Variants in INTS6 observed in about 807,000 individuals in gnomAD.
INTS6 encodes integrator complex subunit 6, also known as DEAD box protein.
Under a neutral mutation model 104.9 loss-of-function variants are expected in INTS6, and 16 were observed. The ratio of observed to expected loss-of-function variants is 0.15; its 90% confidence interval spans 0.10 to 0.23. The LOEUF (loss-of-function observed/expected upper bound fraction) is 0.23, where lower values mean the gene tolerates loss of function less well. INTS6 is among the 10% of genes least tolerant of loss of function. The pLI is 1.00. For missense variants in INTS6, 584 were observed against 1,062.8 expected, an observed-to-expected ratio of 0.55 and a Z score of 6.26; for synonymous variants, 324 against 358.7, an observed-to-expected ratio of 0.90 and a Z score of 1.09.
At chr13:51,404,357 A>G (rs1205264074) in intron 4 of INTS6, among the ~76,000 whole-genome samples, 1 of 151,758 alleles carries the variant, frequency 6.6e-6, no homozygotes, top group African/African-American at 2.4e-5. Context: ...CAAAGTTTCC[A>G]TGCTAATGTA....
Position 51,452,586 on chromosome 13 carries a change from A to C in INTS6, c.-61T>G. ...GAGAAAGAGGAGATGGTAGAGGTGG[A>C]GGCGCCGGTGGCGGCGACCGCCGCT... On this transcript the variant is annotated 5_prime_UTR_variant, in exon 1 of 18. Transcript: ENST00000311234. The surrounding 1 kb of genome is among the most constrained non-coding windows in gnomAD (Gnocchi z 4.2). The C allele has an allele frequency of 6.4e-7, 1 of 1,574,636 alleles. No individual in the cohort carries two copies.
chr13:51,352,532 AATAGAG>A (rs1436817232), downstream of INTS6, among the ~76,000 whole-genome samples: 1 of 151,808 alleles, frequency 6.6e-6, no homozygotes, highest in Non-Finnish European at 1.5e-5. Flanking sequence ...GTCATCTGTG[AATAGAG>A]ATAGATTTAC....
intron 3 of INTS6, chr13:51,437,357 T>G (rs1216291676): frequency 2.0e-5 from 3 of 152,036 alleles, no homozygotes; most frequent in Non-Finnish European, 4.4e-5. Flanking sequence ...AACTCAATTT[T>G]AAATACTATC....
In INTS6 at chr13:51,369,313, A is replaced by G. The variant is rs370372408; in HGVS notation, c.2105-3T>C. On this transcript the variant is annotated splice_polypyrimidine_tract_variant and splice_region_variant and intron_variant, in intron 15 of 17. Transcript: ENST00000311234. Reference sequence around the variant, plus strand: ...CGAATCATTAGTGGTTTCTGAAACTAAAAACAAAGATACGGGGAAAAAATT... The same window carrying G: ...CGAATCATTAGTGGTTTCTGAAACTGAAAACAAAGATACGGGGAAAAAATT... 6.3e-7 allele frequency: 1 copy of G among 1,593,786 alleles called. No individual in the cohort carries two copies. The highest frequency in any genetic ancestry group is 1.3e-5 in the African/African-American group (1 of 74,274).
At chr13:51,450,171 A>G in intron 3 of INTS6, 1 of 985,010 alleles carries the variant, frequency 1.0e-6, no homozygotes, top group Non-Finnish European at 1.2e-6. Context: ...TTTTCACTAC[A>G]ACATAAGAAC....
chr13:51,420,756 T>TA (rs75997381), intron 4 of INTS6, among the ~76,000 whole-genome samples: 3,419 of 125,854 alleles, frequency 0.027, 52 homozygotes, highest in East Asian at 0.084. Context: ...CTAGCTAAAT[T>TA]AAAAAAAAAA....
intron 3 of INTS6, among the ~76,000 whole-genome samples, chr13:51,432,086 T>G (rs1188038049): frequency 6.6e-6 from 1 of 152,166 alleles, no homozygotes; most frequent in Non-Finnish European, 1.5e-5. Flanking sequence ...CCTACCCAAC[T>G]GCCACTCATT....
chr13:51,370,391 A>T (rs563398032), intron 15 of INTS6, among the ~76,000 whole-genome samples: 1 of 152,066 alleles, frequency 6.6e-6, no homozygotes, highest in African/African-American at 2.4e-5. Flanking sequence ...CCTTATCACT[A>T]TCTTAGGCCA....
At chr13:51,341,500 C>T in the INTS6 span, among the ~76,000 whole-genome samples, 1 of 152,234 alleles carries the variant, frequency 6.6e-6, no homozygotes, top group African/African-American at 2.4e-5. Context: ...CCCTGCTGCT[C>T]AGGCTACCTG....
In INTS6 at chr13:51,387,378, G is replaced by GTA. The variant is rs777156107; in HGVS notation, c.894+6_894+7dup. On this transcript the variant is annotated splice_region_variant and intron_variant, in intron 7 of 17. Coordinates refer to ENST00000311234, the MANE Select transcript of INTS6 (RefSeq NM_012141.3). Reference sequence around the variant, plus strand: ...TACTATTACATAGTTACAGTCTCTGGTACTTACTAGTGTTGGCGAATTTTG... The same window carrying GTA: ...TACTATTACATAGTTACAGTCTCTGGTATACTTACTAGTGTTGGCGAATTTTG... 1.4e-5 allele frequency: 23 copies of GTA among 1,606,958 alleles called. No homozygotes were observed. Among genetic ancestry groups the GTA allele is most frequent in the Non-Finnish European group, 1.3e-5 (15 of 1,176,612 alleles).
At chr13:51,385,382 C>T (rs1422361509) in intron 7 of INTS6, 1 of 152,184 alleles carries the variant, frequency 6.6e-6, no homozygotes, top group Admixed American at 6.5e-5. Flanking sequence ...TCATCTTGTG[C>T]TCCTGTGCCT....
intron 3 of INTS6, among the ~76,000 whole-genome samples, chr13:51,432,488 CT>C: frequency 6.6e-6 from 1 of 151,706 alleles, no homozygotes; most frequent in Admixed American, 6.6e-5. Flanking sequence ...GTATTGCTTG[CT>C]ATTTTTTCAT....
chr13:51,334,453 T>C, the INTS6 span, among the ~76,000 whole-genome samples: 2 of 152,162 alleles, frequency 1.3e-5, no homozygotes, highest in Admixed American at 1.3e-4. Flanking sequence ...TAGGAGATGA[T>C]TTTAATAAAT....
intron 4 of INTS6, among the ~76,000 whole-genome samples, chr13:51,429,681 T>C (rs1957049238): frequency 6.9e-6 from 1 of 145,184 alleles, no homozygotes; most frequent in Admixed American, 7.1e-5. Flanking sequence ...CAAGAATCGC[T>C]TGAACCCAGG....
chr13:51,376,193 G>A lies in INTS6; in HGVS notation c.1603-19C>T. 8 of 1,566,526 alleles carry A rather than the reference G, an allele frequency of 5.1e-6. No individual in the cohort carries two copies. Among genetic ancestry groups the A allele is most frequent in the South Asian group, 1.2e-5 (1 of 81,760 alleles). On this transcript the variant is annotated intron_variant, in intron 12 of 17. Coordinates refer to ENST00000311234, the MANE Select transcript of INTS6 (RefSeq NM_012141.3). Reference sequence around the variant, plus strand: ...TCAAATCCTATTAAACAACATTCGAGGACAAAATTTATTGTCAAACATAGA... The same window carrying A: ...TCAAATCCTATTAAACAACATTCGAAGACAAAATTTATTGTCAAACATAGA...
rs762133082 is a variant in INTS6, at chr13:51,383,336, G to A, written c.1173C>T (p.Pro391=). 6.2e-7 allele frequency: 1 copy of A among 1,609,636 alleles called. No individual in the cohort carries two copies. Residue 391 remains proline, a synonymous_variant, in exon 9 of 18, where the codon CCC becomes CCT. Coordinates refer to ENST00000311234, the MANE Select transcript of INTS6 (RefSeq NM_012141.3). ...VMPYNYPVLL[P]LLDDLFKVHK... ...GTGACAAGAATGACTTACCTAAGAG[G>A]GGAAGAAGGACTGGATAATTGTAAG...
In INTS6 at chr13:51,361,610, T is replaced by C; in HGVS notation, c.*4142A>G. On this transcript the variant is annotated 3_prime_UTR_variant, in exon 18 of 18. Transcript: ENST00000311234. ...AATAAGGAATTTATTCCATGGAATG[T>C]GTTGAAAACAGGAGACAGGATTGGC... The C allele has an allele frequency of 1.7e-6, 1 of 592,466 alleles. No individual in the cohort carries two copies. The highest frequency in any genetic ancestry group is 1.9e-5 in the African/African-American group (1 of 53,568). The allele number at this position is 592,466 out of a possible 1,614,324, so 36.7% of individuals were successfully genotyped here. A position where few individuals can be genotyped will look rare whatever the true frequency, so the allele number is the denominator to read the frequency against.
chr13:51,361,138 T>C (rs780712839), downstream of INTS6: 64 of 537,290 alleles, frequency 1.2e-4, no homozygotes, highest in Non-Finnish European at 1.9e-4. Flanking sequence ...AAAAACAGAA[T>C]TTTCCACTCT....
At chr13:51,437,965 T>C (rs1952721525) in intron 3 of INTS6, 1 of 152,166 alleles carries the variant, frequency 6.6e-6, no homozygotes, top group Non-Finnish European at 1.5e-5. Flanking sequence ...GCCAAGATCA[T>C]GCCACTGCCC....
Sources: gnomAD v4.1 joint callset for allele counts (sites outside exome capture counted in the v4.1 genomes callset) on GRCh38, gnomAD v4.1.1 for gene constraint, Gnocchi (gnomAD v3.1) non-coding constraint, MANE v1.5 for transcripts, NCBI Gene and HGNC (gene_info 2026-07-23, HGNC 2026-07-21) for gene names.